Variants in TENM2 observed in about 807,000 individuals in gnomAD.
TENM2 encodes the protein teneurin transmembrane protein 2.
A neutral mutation model predicts 245.2 loss-of-function variants in TENM2; 52 were observed. The observed-to-expected ratio is 0.21, with a 90% CI of 0.17 to 0.27. TENM2 has a LOEUF of 0.27. TENM2 is among the 10% of genes least tolerant of loss of function. TENM2 has a pLI of 1.00. For missense variants in TENM2, 3,046 were observed against 3,666.8 expected (o/e 0.83, Z 4.37); for synonymous variants, 1,363 against 1,438.9 (o/e 0.95, Z 1.19).
chr5:167,889,777 A>T (rs972675440), intron 3 of TENM2, among the ~76,000 whole-genome samples: 3 of 152,080 alleles, frequency 2.0e-5, no homozygotes, highest in Non-Finnish European at 4.4e-5. Context: ...CCTGTTTACG[A>T]CATTAGGATG....
At chr5:166,986,401 C>T in the TENM2 span, among the ~76,000 whole-genome samples, 1 of 151,928 alleles carries the variant, frequency 6.6e-6, no homozygotes, top group Non-Finnish European at 1.5e-5. Flanking sequence ...TATTTTTTTC[C>T]CACTTGTTAT....
chr5:167,405,361 T>G (rs1684013620), intron 2 of TENM2, among the ~76,000 whole-genome samples: 1 of 152,144 alleles, frequency 6.6e-6, no homozygotes, highest in African/African-American at 2.4e-5. Context: ...GGTCAAGTTA[T>G]GTGACTTTTG....
chr5:168,016,325 G>T (rs144669971), intron 5 of TENM2, among the ~76,000 whole-genome samples: 1 of 152,152 alleles, frequency 6.6e-6, no homozygotes. Flanking sequence ...AGTCCCCAAC[G>T]CCCTTCAACT....
intron 3 of TENM2, among the ~76,000 whole-genome samples, chr5:167,926,718 C>CACACA (rs1777790868): frequency 5.9e-5 from 8 of 136,718 alleles, no homozygotes; most frequent in African/African-American, 1.6e-4. Context: ...TGAGATTCCA[C>CACACA]CACACACACA....
chr5:167,526,327 A>G (rs1297377589), intron 2 of TENM2, among the ~76,000 whole-genome samples: 1 of 150,652 alleles, frequency 6.6e-6, no homozygotes, highest in Non-Finnish European at 1.5e-5. Flanking sequence ...TACCTATGTC[A>G]AAAACTACCT....
At chr5:167,234,367 A>G in the TENM2 span, among the ~76,000 whole-genome samples, 1 of 152,146 alleles carries the variant, frequency 6.6e-6, no homozygotes, top group African/African-American at 2.4e-5. Flanking sequence ...AACAGTGAAG[A>G]ATGTGTCCTT....
intron 1 of TENM2, among the ~76,000 whole-genome samples, chr5:167,351,474 T>G (rs1311189679): frequency 6.6e-6 from 1 of 152,162 alleles, no homozygotes; most frequent in Non-Finnish European, 1.5e-5. Context: ...CTGACCTAGA[T>G]GCTATGGGTT....
intron 2 of TENM2, among the ~76,000 whole-genome samples, chr5:167,845,199 C>T (rs1017207432): frequency 1.5e-4 from 22 of 151,258 alleles, no homozygotes; most frequent in African/African-American, 5.3e-4. Context: ...AAGCCCTCAC[C>T]ATCATTATTA....
At chr5:167,926,035 A>C (rs248136) in intron 3 of TENM2, among the ~76,000 whole-genome samples, 49,481 of 152,064 alleles carry the variant, frequency 0.33, 10,296 homozygotes, top group African/African-American at 0.6. Flanking sequence ...ATGAAATAAT[A>C]TGTACAACAA....
chr5:167,777,893 A>T (rs1763921778), intron 2 of TENM2, among the ~76,000 whole-genome samples: 1 of 152,134 alleles, frequency 6.6e-6, no homozygotes, highest in South Asian at 2.1e-4. Context: ...ATTCTGTGGG[A>T]TAGGGGTTGG....
At chr5:167,883,099 T>A (rs967324259) in intron 3 of TENM2, among the ~76,000 whole-genome samples, 1 of 152,196 alleles carries the variant, frequency 6.6e-6, no homozygotes, top group Non-Finnish European at 1.5e-5. Flanking sequence ...ATGCAAAAGT[T>A]GAGAAGAGTG....
chr5:167,069,303 A>C, the TENM2 span, among the ~76,000 whole-genome samples: 2 of 152,172 alleles, frequency 1.3e-5, no homozygotes, highest in Non-Finnish European at 2.9e-5. Context: ...TGTGTAAGAT[A>C]TGTAGTCTGG....
At chr5:168,206,846 T>C (rs772767256) in intron 19 of TENM2, among the ~76,000 whole-genome samples, 44 of 152,174 alleles carry the variant, frequency 2.9e-4, no homozygotes, top group Non-Finnish European at 6.0e-4. Flanking sequence ...CATCTGGCCC[T>C]TGTAATCTTC....
chr5:167,553,490 T>C (rs1248682996), intron 2 of TENM2, among the ~76,000 whole-genome samples: 1 of 152,188 alleles, frequency 6.6e-6, no homozygotes, highest in East Asian at 1.9e-4. Context: ...TGTGCCTAGC[T>C]CTGGGCTGGG....
the TENM2 span, among the ~76,000 whole-genome samples, chr5:167,191,338 T>C: frequency 6.6e-6 from 1 of 152,050 alleles, no homozygotes; most frequent in South Asian, 2.1e-4. Flanking sequence ...ATAGATTGGT[T>C]GACTGCAACT....
At chr5:167,570,734 A>C (rs1774214960) in intron 2 of TENM2, among the ~76,000 whole-genome samples, 1 of 152,336 alleles carries the variant, frequency 6.6e-6, no homozygotes, top group Non-Finnish European at 1.5e-5. Context: ...TTGAAGAATT[A>C]TTGCAACTGT....
intron 2 of TENM2, among the ~76,000 whole-genome samples, chr5:167,579,955 C>A (rs989614496): frequency 3.9e-5 from 6 of 152,178 alleles, no homozygotes; most frequent in African/African-American, 1.4e-4. Flanking sequence ...TAATTGGAGA[C>A]AATCTAGTAA....
the TENM2 span, among the ~76,000 whole-genome samples, chr5:166,992,212 G>A: frequency 6.6e-6 from 1 of 152,070 alleles, no homozygotes; most frequent in Non-Finnish European, 1.5e-5. Context: ...GAGACCATAA[G>A]AAGGAATATA....
At chr5:167,616,222 G>T (rs948663712) in intron 2 of TENM2, among the ~76,000 whole-genome samples, 4 of 152,098 alleles carry the variant, frequency 2.6e-5, no homozygotes, top group Non-Finnish European at 5.9e-5. Flanking sequence ...AAGTCCTATA[G>T]CCTGTGCTTG....
Sources: allele counts gnomAD v4.1 joint callset (sites outside exome capture counted in the v4.1 genomes callset), GRCh38; gene constraint gnomAD v4.1.1; transcripts MANE v1.5; gene names NCBI Gene and HGNC (gene_info 2026-07-23, HGNC 2026-07-21).